Variants in JMJD4 observed in about 807,000 individuals in gnomAD.
JMJD4 encodes jumonji domain containing 4.
In JMJD4, 34 loss-of-function variants were observed where a neutral mutation model predicts 36.3. The ratio of observed to expected loss-of-function variants is 0.94; its 90% confidence interval spans 0.71 to 1.25. The LOEUF is 1.25. Among genes scored for constraint, JMJD4 ranks in the 50% most tolerant of loss-of-function variants. The pLI, the probability that JMJD4 is intolerant of heterozygous loss-of-function variation, is 0.00. For missense variants in JMJD4, 584 were observed against 559.1 expected (o/e 1.04, Z -0.45); for synonymous variants, 269 against 235.3 (o/e 1.14, Z -1.31).
At position 227,732,956 on chromosome 1, in the gene JMJD4, C is replaced by A; in HGVS notation, c.894G>T (p.Gln298His). 1 of 1,613,358 alleles carries A rather than the reference C, an allele frequency of 6.2e-7. No homozygotes were observed. Among genetic ancestry groups the A allele is most frequent in the Non-Finnish European group, 8.5e-7 (1 of 1,180,038 alleles). Residue 298 changes from glutamine to histidine, a missense_variant, in exon 5 of 6, where the codon CAG becomes CAT. Coordinates refer to ENST00000620518, the MANE Select transcript of JMJD4 (RefSeq NM_023007.3). ...CCTCCTGCACGGCGCATAGCTCCTGCTGCAAGAAGCGCCACATGTTGGCCA... is the reference window on the plus strand; with the variant it reads ...CCTCCTGCACGGCGCATAGCTCCTGATGCAAGAAGCGCCACATGTTGGCCA... ...FNLANMWRFLQQELCAVQEEV... is the reference protein window; with the variant it reads ...FNLANMWRFLHQELCAVQEEV...
chr1:227,735,082 G>T lies in JMJD4; in HGVS notation c.192C>A (p.Gly64=). ...TCACCCAGCGCCGCCGGCTGCCCCA[G>T]CCCTGCGTGAAGGCGCTGGAAAACA... ...PCVFSSAFTQ[G]WGSRRRWVTP... is the part of the protein sequence containing the mutation. The change falls in exon 1 of 6, where the codon GGC becomes GGA. Residue 64 remains glycine (G), a synonymous_variant. Coordinates refer to ENST00000620518, the MANE Select transcript of JMJD4 (RefSeq NM_023007.3). The T allele has an allele frequency of 6.4e-7, 1 of 1,571,894 alleles. No homozygotes were observed. The highest frequency in any genetic ancestry group is 1.2e-5 in the South Asian group (1 of 86,506).
At chr1:227,733,317 C>G (rs1415484138) in intron 4 of JMJD4, 97 bp downstream of exon 4, 1 of 1,345,338 alleles carries the variant, frequency 7.4e-7, no homozygotes, top group African/African-American at 1.5e-5. Context: ...TGAGCCACCC[C>G]ATTCCAGCCC....
At position 227,731,413 on chromosome 1, in the gene JMJD4, C is replaced by G. The variant is rs917711786; in HGVS notation, c.*979G>C. ...GTCCCTGTGGATTCGGATGCCTCCT[C>G]CCCTGCTGGGGTGAGGCAGCCAACC... On this transcript the variant is annotated 3_prime_UTR_variant, in exon 6 of 6. Coordinates refer to ENST00000620518, the MANE Select transcript of JMJD4 (RefSeq NM_023007.3). The G allele has an allele frequency of 6.6e-6, 1 of 152,252 alleles. No homozygotes were observed. Among genetic ancestry groups the G allele is most frequent in the African/African-American group, 2.4e-5 (1 of 41,448 alleles). 9.4% of individuals were successfully genotyped at this position (152,252 alleles called of 1,614,324 possible).
rs1660659904 is a variant in JMJD4, at chr1:227,731,714, T to C, written c.*678A>G. ...CAGCATCCTTGGGAAGACCCAGCTG[T>C]GAGTGCACAGCAGGCACAGTCCCTC... is the stretch of plus-strand genomic sequence containing the variant. On this transcript the variant is annotated 3_prime_UTR_variant, in exon 6 of 6. Coordinates refer to ENST00000620518, the MANE Select transcript of JMJD4 (RefSeq NM_023007.3). 1 of 154,474 alleles carries C rather than the reference T, an allele frequency of 6.5e-6. No homozygotes were observed. The highest frequency in any genetic ancestry group is 6.3e-5 in the Admixed American group (1 of 15,794). The allele number at this position is 154,474 out of a possible 1,614,324, so 9.6% of individuals were successfully genotyped here.
rs752849935 is a variant in JMJD4 at position 227,735,039 on chromosome 1, C to T, written c.235G>A (p.Asp79Asn). The T allele has an allele frequency of 7.7e-6, 12 of 1,551,050 alleles. No homozygotes were observed. The highest frequency in any genetic ancestry group is 9.6e-6 in the Non-Finnish European group (11 of 1,149,590). Residue 79 changes from aspartate (D) to asparagine (N), a missense_variant, in exon 1 of 6, where the codon GAC becomes AAC. By Grantham distance (23) the Asp-to-Asn change is conservative. Transcript: ENST00000620518. Reference sequence around the variant, plus strand: ...TAGGTCCGTAGCAGGTGGTCGAAGTCGGGCCTCCCCGCGGGCGTCACCCAG... The same window carrying T: ...TAGGTCCGTAGCAGGTGGTCGAAGTTGGGCCTCCCCGCGGGCGTCACCCAG... ...RRWVTPAGRP[D>N]FDHLLRTYGD...
At chr1:227,734,478 A>C in intron 2 of JMJD4, 173 bp downstream of exon 2, 6 of 582,704 alleles carry the variant, frequency 1.0e-5, no homozygotes, top group Non-Finnish European at 1.8e-5. Flanking sequence ...CCTCCCAAAG[A>C]ACAACACTTG....
Position 227,732,899 on chromosome 1 carries a change from G to A in JMJD4, c.951C>T (p.Asp317=). 6.2e-7 allele frequency: 1 copy of A among 1,612,812 alleles called. No individual in the cohort carries two copies. Among genetic ancestry groups the A allele is most frequent in the Non-Finnish European group, 8.5e-7 (1 of 1,180,024 alleles). ...ACCCCACCTGGCAGTGGTGGTGCCA[G>A]TCGGGCATGGAGTCCCTCCACTCGC... is the stretch of plus-strand genomic sequence containing the variant. ...EVSEWRDSMP[D]WHHHCQVIMR... Residue 317 remains aspartate, a synonymous_variant, in exon 5 of 6, where the codon GAC becomes GAT. Transcript: ENST00000620518.
rs372265455 is a variant in JMJD4 at position 227,733,887 on chromosome 1, T to C, written c.554+20A>G. The C allele has an allele frequency of 6.2e-7, 1 of 1,612,388 alleles. No individual in the cohort carries two copies. Among genetic ancestry groups the C allele is most frequent in the Non-Finnish European group, 8.5e-7 (1 of 1,179,674 alleles). ...GTCACCAGGCCCCTTCGGGTTCCAC[T>C]CCCACATCCGTGGCCTCACCAGCTG... On this transcript the variant is annotated intron_variant, in intron 3 of 5. Coordinates refer to ENST00000620518, the MANE Select transcript of JMJD4 (RefSeq NM_023007.3).
Position 227,733,981 on chromosome 1 carries a change from G to T in JMJD4, c.480C>A (p.Asp160Glu), listed in dbSNP as rs775524177. Residue 160 changes from aspartate to glutamate, a missense_variant, in exon 3 of 6, where the codon GAC (aspartate) becomes GAA (glutamate). Coordinates refer to ENST00000620518, the MANE Select transcript of JMJD4 (RefSeq NM_023007.3). ...GTGCATCCCAGAACTCATTCAGCCAGTCGGACGAGAAGTACACAGGCAGGG... is the reference window on the plus strand; with the variant it reads ...GTGCATCCCAGAACTCATTCAGCCATTCGGACGAGAAGTACACAGGCAGGG... ...VFTLPVYFSSDWLNEFWDALD... is the reference protein window; with the variant it reads ...VFTLPVYFSSEWLNEFWDALD... 1 of 1,613,952 alleles carries T rather than the reference G, an allele frequency of 6.2e-7. No individual in the cohort carries two copies. Among genetic ancestry groups the T allele is most frequent in the Non-Finnish European group, 8.5e-7 (1 of 1,180,028 alleles).
Position 227,735,042 on chromosome 1 carries a change from G to T in JMJD4, c.232C>A (p.Pro78Thr), listed in dbSNP as rs758357951. The T allele has an allele frequency of 1.2e-5, 19 of 1,552,796 alleles. No homozygotes were observed. Among genetic ancestry groups the T allele is most frequent in the Non-Finnish European group, 1.5e-5 (17 of 1,150,358 alleles). Residue 78 changes from proline to threonine, a missense_variant, in exon 1 of 6, where the codon CCC becomes ACC. Pro to Thr is a conservative substitution (Grantham distance 38). Coordinates refer to ENST00000620518, the MANE Select transcript of JMJD4 (RefSeq NM_023007.3). ...RRRWVTPAGR[P>T]DFDHLLRTYG... ...GTCCGTAGCAGGTGGTCGAAGTCGG[G>T]CCTCCCCGCGGGCGTCACCCAGCGC...
intron 4 of JMJD4, 36 bp downstream of exon 4, chr1:227,733,378 G>C (rs760950775): frequency 6.4e-7 from 1 of 1,553,656 alleles, no homozygotes; most frequent in Non-Finnish European, 8.7e-7. Context: ...CCTGCAGGAA[G>C]GCCCCTGATA....
chr1:227,733,780 T>G, intron 3 of JMJD4, 99 bp from the exon 4 acceptor site: 1 of 1,585,514 alleles, frequency 6.3e-7, no homozygotes, highest in African/African-American at 1.3e-5. Flanking sequence ...GGGTGGCCCC[T>G]TGGTCTCAAG....
intron 4 of JMJD4, 97 bp from the exon 5 acceptor site, chr1:227,733,124 C>A: frequency 7.3e-7 from 1 of 1,370,550 alleles, no homozygotes; most frequent in Non-Finnish European, 1.0e-6. Context: ...GGGGTCCAGC[C>A]CTCTGCAGCC....
In JMJD4 at chr1:227,734,746, A is replaced by G; in HGVS notation, c.333T>C (p.Thr111=). The stretch of plus-strand genomic sequence containing the variant: ...TCCAGTAGGTGATGTAGTCTCTGAG[A>G]GTCATGTGCTCTTTGGGGTTCGAGT... ...EYNSNPKEHM[T]LRDYITYWKE... Residue 111 remains threonine, a synonymous_variant, in exon 2 of 6, where the codon ACT becomes ACC. Coordinates refer to ENST00000620518, the MANE Select transcript of JMJD4 (RefSeq NM_023007.3). 6.2e-7 allele frequency: 1 copy of G among 1,614,092 alleles called. No individual in the cohort carries two copies. The highest frequency in any genetic ancestry group is 8.5e-7 in the Non-Finnish European group (1 of 1,179,972).
rs1660851046 is a variant in JMJD4 at position 227,733,842 on chromosome 1, T to C, written c.554+65A>G. On this transcript the variant is annotated intron_variant, in intron 3 of 5. Transcript: ENST00000620518. Reference sequence around the variant, plus strand: ...CCAAGCAGCCCCCCTCCTGCCACCCTGGGCCTCCCAGTCCGTTCTGTCACC... The same window carrying C: ...CCAAGCAGCCCCCCTCCTGCCACCCCGGGCCTCCCAGTCCGTTCTGTCACC... 1.9e-6 allele frequency: 3 copies of C among 1,602,810 alleles called. No individual in the cohort carries two copies. In the South Asian group the frequency reaches 3.3e-5, roughly 18 times the overall value.
Position 227,732,563 on chromosome 1 carries a change from A to G in JMJD4, c.1083T>C (p.Ala361=). 7 of 1,613,478 alleles carry G rather than the reference A, an allele frequency of 4.3e-6. No individual in the cohort carries two copies. Among genetic ancestry groups the G allele is most frequent in the Non-Finnish European group, 5.9e-6 (7 of 1,180,028 alleles). ...AGGCTGCCTGTTCGAAACCCAACCC[A>G]GCACCGTCCTCAGCGGCTGCCTCCC... ...VLREAAAEDG[A]GLGFEQAAFD... The change falls in exon 6 of 6, where the codon GCT becomes GCC. Residue 361 remains alanine, a synonymous_variant. Transcript: ENST00000620518.
rs1395210219 is a variant in JMJD4, at chr1:227,735,120, T to C, written c.154A>G (p.Asn52Asp). ...ADFVRGFLLP[N>D]LPCVFSSAFT... Reference sequence around the variant, plus strand: ...GCGCTGGAAAACACGCAGGGCAGGTTGGGCAGCAAGAAGCCCCGCACAAAG... The same window carrying C: ...GCGCTGGAAAACACGCAGGGCAGGTCGGGCAGCAAGAAGCCCCGCACAAAG... The change falls in exon 1 of 6, where the codon AAC becomes GAC. Residue 52 changes from asparagine (N) to aspartate (D), a missense_variant. Transcript: ENST00000620518. The C allele has an allele frequency of 6.3e-7, 1 of 1,578,742 alleles. No individual in the cohort carries two copies. The highest frequency in any genetic ancestry group is 8.6e-7 in the Non-Finnish European group (1 of 1,163,324).
At position 227,733,559 on chromosome 1, in the gene JMJD4, A is replaced by G. The variant is rs1660820933; in HGVS notation, c.677T>C (p.Leu226Pro). Residue 226 changes from leucine (L) to proline (P), a missense_variant, in exon 4 of 6, where the codon CTG becomes CCG. Transcript: ENST00000620518. The part of the protein sequence containing the change: ...EEALRDRHGN[L>P]PYDVTSPALC... ...TGCTGGGGAGGTCACGTCGTAGGGC[A>G]GGTTGCCGTGGCGGTCCCGCAGGGC... 2 of 1,606,466 alleles carry G rather than the reference A, an allele frequency of 1.2e-6. No homozygotes were observed. Among genetic ancestry groups the G allele is most frequent in the Non-Finnish European group, 1.7e-6 (2 of 1,177,552 alleles).
At position 227,733,984 on chromosome 1, in the gene JMJD4, G is replaced by C. The variant is rs928570981; in HGVS notation, c.477C>G (p.Ser159=). 1.2e-6 allele frequency: 2 copies of C among 1,613,900 alleles called. No individual in the cohort carries two copies. The highest frequency in any genetic ancestry group is 1.7e-6 in the Non-Finnish European group (2 of 1,180,022). ...DVFTLPVYFS[S]DWLNEFWDAL... ...CATCCCAGAACTCATTCAGCCAGTC[G>C]GACGAGAAGTACACAGGCAGGGTGA... Residue 159 remains serine (S), a synonymous_variant, in exon 3 of 6, where the codon TCC becomes TCG. Coordinates refer to ENST00000620518, the MANE Select transcript of JMJD4 (RefSeq NM_023007.3).
Sources: allele counts gnomAD v4.1 joint callset, GRCh38; gene constraint gnomAD v4.1.1; transcripts MANE v1.5; gene names NCBI Gene and HGNC (gene_info 2026-07-23, HGNC 2026-07-21).